Variants in CLVS1 observed in about 807,000 individuals in gnomAD.
The protein encoded by CLVS1 is clavesin-1.
A neutral mutation model predicts 33.1 loss-of-function variants in CLVS1; 10 were observed. That is an observed-to-expected ratio of 0.30 (90% confidence interval 0.19 to 0.51). The LOEUF (loss-of-function observed/expected upper bound fraction) is 0.51. Ranked by LOEUF, CLVS1 falls within the 20% of genes least tolerant of loss-of-function variation. The pLI, the probability that CLVS1 is intolerant of heterozygous loss-of-function variation, is 0.97. For synonymous variants in CLVS1, 163 were observed against 166.1 expected (o/e 0.98, Z 0.14); for missense variants, 343 against 433.4 (o/e 0.79, Z 1.85).
intron 2 of CLVS1, among the ~76,000 whole-genome samples, chr8:61,276,395 C>T (rs1263012880): frequency 6.6e-6 from 1 of 152,202 alleles, no homozygotes; most frequent in Non-Finnish European, 1.5e-5. Flanking sequence ...CAAACAGTCC[C>T]AGCGGAAGGT....
At chr8:61,286,027 T>A (rs1291651686), upstream of CLVS1, among the ~76,000 whole-genome samples, 1 of 81,966 alleles carries the variant, frequency 1.2e-5, no homozygotes, top group Non-Finnish European at 3.5e-5. Flanking sequence ...GTGCAGGCCA[T>A]TTTTTTTTTA....
chr8:61,290,587 G>A (rs1343342937), intron 1 of CLVS1, among the ~76,000 whole-genome samples: 1 of 152,150 alleles, frequency 6.6e-6, no homozygotes, highest in Non-Finnish European at 1.5e-5. Context: ...GCTCACTTCT[G>A]AAGGTTTTAC....
At chr8:61,303,720 C>T (rs182114745) in intron 2 of CLVS1, among the ~76,000 whole-genome samples, 2 of 152,278 alleles carry the variant, frequency 1.3e-5, no homozygotes, top group Admixed American at 1.3e-4. Flanking sequence ...GACAAGCAAC[C>T]TCCCTGAAAC....
chr8:61,050,224 T>C, the CLVS1 span, among the ~76,000 whole-genome samples: 1 of 152,256 alleles, frequency 6.6e-6, no homozygotes, highest in African/African-American at 2.4e-5. Context: ...TTTATAATGA[T>C]GCCATTTGCA....
At chr8:61,115,376 T>C (rs1327540981) in intron 1 of CLVS1, among the ~76,000 whole-genome samples, 1 of 151,512 alleles carries the variant, frequency 6.6e-6, no homozygotes, top group Admixed American at 6.6e-5. Flanking sequence ...TATTTATTTA[T>C]TTATTTATTT....
At chr8:61,010,940 G>A in the CLVS1 span, among the ~76,000 whole-genome samples, 7 of 152,314 alleles carry the variant, frequency 4.6e-5, no homozygotes, top group East Asian at 1.4e-3. Flanking sequence ...TTTCATGCAG[G>A]GCCCGGCACA....
At chr8:60,986,389 G>T in the CLVS1 span, among the ~76,000 whole-genome samples, 1 of 152,202 alleles carries the variant, frequency 6.6e-6, no homozygotes, top group African/African-American at 2.4e-5. Flanking sequence ...AGAAACAGAG[G>T]CAGGAACCAG....
chr8:61,172,328 G>C (rs1807019327), intron 2 of CLVS1, among the ~76,000 whole-genome samples: 1 of 152,054 alleles, frequency 6.6e-6, no homozygotes, highest in South Asian at 2.1e-4. Flanking sequence ...TCCTTAGTTT[G>C]GTGTTGAATA....
At chr8:61,486,564 C>A (rs948077110) in intron 5 of CLVS1, among the ~76,000 whole-genome samples, 3 of 152,114 alleles carry the variant, frequency 2.0e-5, no homozygotes, top group African/African-American at 7.2e-5. Context: ...GGATAGAATA[C>A]ATCTTTGCAG....
At chr8:61,338,129 G>A (rs1811872218) in intron 2 of CLVS1, among the ~76,000 whole-genome samples, 1 of 152,146 alleles carries the variant, frequency 6.6e-6, no homozygotes, top group African/African-American at 2.4e-5. Flanking sequence ...TTGGAGCCCA[G>A]CGCGATCCAT....
intron 3 of CLVS1, among the ~76,000 whole-genome samples, chr8:61,418,153 T>C (rs1156621103): frequency 6.6e-6 from 1 of 152,186 alleles, no homozygotes; most frequent in Non-Finnish European, 1.5e-5. Flanking sequence ...TCTTCAACCA[T>C]AAAAATGAGG....
At chr8:61,455,850 C>T (rs1362426381) in intron 4 of CLVS1, among the ~76,000 whole-genome samples, 1 of 152,138 alleles carries the variant, frequency 6.6e-6, no homozygotes, top group East Asian at 1.9e-4. Flanking sequence ...GTTTCTAACT[C>T]CTAGATCTCA....
the CLVS1 span, among the ~76,000 whole-genome samples, chr8:61,023,895 C>T: frequency 4.5e-4 from 69 of 152,342 alleles, no homozygotes; most frequent in African/African-American, 1.6e-3. Flanking sequence ...AGACTGGCTG[C>T]TGAGGCTGGA....
chr8:61,482,911 A>C (rs1193238640), intron 5 of CLVS1, among the ~76,000 whole-genome samples: 1 of 152,218 alleles, frequency 6.6e-6, no homozygotes, highest in Non-Finnish European at 1.5e-5. Flanking sequence ...AAGACACAAC[A>C]TACCAGAATC....
intron 3 of CLVS1, among the ~76,000 whole-genome samples, chr8:61,382,360 T>A (rs1376865381): frequency 6.6e-6 from 1 of 152,136 alleles, no homozygotes; most frequent in Non-Finnish European, 1.5e-5. Context: ...CAGCTAGTCT[T>A]CTAAACAGGA....
intron 2 of CLVS1, chr8:61,202,500 G>C: frequency 2.1e-6 from 2 of 958,676 alleles, no homozygotes; most frequent in Non-Finnish European, 3.4e-6. Flanking sequence ...TCAGTTTAGG[G>C]GCTGGTGCAA....
At chr8:61,212,331 G>A (rs529897656) in intron 2 of CLVS1, among the ~76,000 whole-genome samples, 1 of 152,276 alleles carries the variant, frequency 6.6e-6, no homozygotes, top group African/African-American at 2.4e-5. Flanking sequence ...GAGGTGGCGG[G>A]GGACATTTCA....
intron 1 of CLVS1, among the ~76,000 whole-genome samples, chr8:61,105,869 C>T (rs554026509): frequency 6.6e-6 from 1 of 152,150 alleles, no homozygotes; most frequent in South Asian, 2.1e-4. Context: ...CCGTCACAGC[C>T]CAAATTGGAC....
the CLVS1 span, among the ~76,000 whole-genome samples, chr8:61,017,617 A>G: frequency 6.6e-5 from 10 of 152,274 alleles, no homozygotes; most frequent in Non-Finnish European, 1.5e-4. Context: ...ATTCATAGGA[A>G]AGCTGCCACA....
Sources: gnomAD v4.1 joint callset for allele counts (sites outside exome capture counted in the v4.1 genomes callset) on GRCh38, gnomAD v4.1.1 for gene constraint, MANE v1.5 for transcripts, NCBI Gene and HGNC (gene_info 2026-07-23, HGNC 2026-07-21) for gene names.